Variants in LRGUK observed in about 807,000 individuals in gnomAD.
The protein encoded by LRGUK is leucine-rich repeat and guanylate kinase domain-containing protein.
In LRGUK, 65 loss-of-function variants were observed where a neutral mutation model predicts 76.0. That is an observed-to-expected ratio of 0.85 (90% CI 0.70 to 1.05). The LOEUF (loss-of-function observed/expected upper bound fraction) is 1.05. Among genes scored for constraint, LRGUK ranks in the 50% least tolerant of loss-of-function variants. The pLI is 0.00. For synonymous variants in LRGUK, 268 were observed against 265.6 expected (o/e 1.01, Z -0.09); for missense variants, 758 against 732.8 (o/e 1.03, Z -0.40).
chr7:134,136,880 G>T lies in LRGUK; in HGVS notation c.298-143G>T, dbSNP rs1797561431. 4 of 620,796 alleles carry T rather than the reference G, an allele frequency of 6.4e-6. No individual in the cohort carries two copies. The Admixed American group carries it at 1.2e-4, about 18-fold the overall frequency. 38.5% of individuals were successfully genotyped at this position (620,796 alleles called of 1,614,324 possible). On this transcript the variant is annotated intron_variant, in intron 1 of 15. Coordinates refer to ENST00000645682, the Ensembl canonical transcript of LRGUK. ...GTAATATGTATATGTTATCAACACAGAATTTTTTTGGGGGTTGGTAAATTT... is the reference window on the plus strand; with the variant it reads ...GTAATATGTATATGTTATCAACACATAATTTTTTTGGGGGTTGGTAAATTT...
chr7:134,159,442 A>T (rs904192218), intron 6 of LRGUK, among the ~76,000 whole-genome samples: 3 of 151,890 alleles, frequency 2.0e-5, no homozygotes, highest in African/African-American at 7.3e-5. Flanking sequence ...ATCACTGAAG[A>T]TTGGCTATGT....
chr7:134,268,312 C>A (rs1429235150), downstream of LRGUK, among the ~76,000 whole-genome samples: 1 of 151,698 alleles, frequency 6.6e-6, no homozygotes, highest in East Asian at 2.0e-4. Context: ...CCATAAATAT[C>A]AAAAAGATAA....
intron 11 of LRGUK, among the ~76,000 whole-genome samples, chr7:134,188,558 T>C (rs1321040099): frequency 6.6e-6 from 1 of 152,160 alleles, no homozygotes; most frequent in East Asian, 1.9e-4. Flanking sequence ...TACTGAAAAG[T>C]GGGCAGAGTA....
At chr7:134,176,340 G>C (rs1799478064) in intron 8 of LRGUK, among the ~76,000 whole-genome samples, 1 of 152,148 alleles carries the variant, frequency 6.6e-6, no homozygotes, top group South Asian at 2.1e-4. Context: ...ACCTATGTAA[G>C]AAACCTGCAC....
chr7:134,127,502 C>T, exon 1 of LRGUK: 1 of 1,614,148 alleles, frequency 6.2e-7, no homozygotes, highest in Non-Finnish European at 8.5e-7. Context: ...GGTCTTTTCC[C>T]ATGGGGCAGA....
intron 6 of LRGUK, among the ~76,000 whole-genome samples, 179 bp downstream of exon 6, chr7:134,158,338 G>A (rs1798572714): frequency 6.6e-6 from 1 of 151,786 alleles, no homozygotes. Context: ...GGTTGTGAGA[G>A]AGAGAGAGAA....
At chr7:134,252,561 G>C (rs562440463) in intron 18 of LRGUK, among the ~76,000 whole-genome samples, 4 of 152,110 alleles carry the variant, frequency 2.6e-5, no homozygotes, top group Non-Finnish European at 5.9e-5. Flanking sequence ...GGTGCAGAGA[G>C]AGTGCCCCAT....
intron 16 of LRGUK, among the ~76,000 whole-genome samples, chr7:134,240,003 G>A (rs983177675): frequency 6.6e-6 from 1 of 152,130 alleles, no homozygotes; most frequent in African/African-American, 2.4e-5. Context: ...CTGTTAGAAG[G>A]AAAACTAACA....
chr7:134,268,925 G>C (rs1004520771), downstream of LRGUK, among the ~76,000 whole-genome samples: 3 of 151,448 alleles, frequency 2.0e-5, no homozygotes, highest in Admixed American at 6.6e-5. Flanking sequence ...TAGAGACAGG[G>C]TTTCACCGTG....
chr7:134,189,570 A>G (rs886326449), intron 11 of LRGUK, among the ~76,000 whole-genome samples: 7 of 152,180 alleles, frequency 4.6e-5, no homozygotes, highest in African/African-American at 1.7e-4. Flanking sequence ...AGAAGCTTCA[A>G]ATTGCTCCTT....
chr7:134,166,547 C>A (rs1477747769), intron 7 of LRGUK, among the ~76,000 whole-genome samples: 3 of 152,118 alleles, frequency 2.0e-5, no homozygotes, highest in Non-Finnish European at 2.9e-5. Flanking sequence ...AATTACTTTT[C>A]TGAATTTTTG....
intron 16 of LRGUK, among the ~76,000 whole-genome samples, chr7:134,222,586 TTTTG>T (rs952304399): frequency 6.6e-6 from 1 of 152,072 alleles, no homozygotes. Context: ...GCTAGCCTGT[TTTTG>T]TTTGTTTTGT....
At chr7:134,202,385 T>A (rs1167123835) in intron 15 of LRGUK, among the ~76,000 whole-genome samples, 1 of 151,968 alleles carries the variant, frequency 6.6e-6, no homozygotes, top group Non-Finnish European at 1.5e-5. Context: ...TTGTGTGCTA[T>A]TGGCAGGAGT....
At chr7:134,166,820 C>T (rs1364276312) in intron 7 of LRGUK, among the ~76,000 whole-genome samples, 1 of 152,176 alleles carries the variant, frequency 6.6e-6, no homozygotes, top group Non-Finnish European at 1.5e-5. Flanking sequence ...AAGACAGATG[C>T]CATTTAATGT....
At chr7:134,217,611 C>G (rs1387894146) in intron 15 of LRGUK, among the ~76,000 whole-genome samples, 1 of 152,010 alleles carries the variant, frequency 6.6e-6, no homozygotes, top group Admixed American at 6.5e-5. Flanking sequence ...TTCTTAGAAG[C>G]ACAGATAGAC....
chr7:134,218,165 G>A (rs911765980), intron 15 of LRGUK, among the ~76,000 whole-genome samples: 1 of 152,168 alleles, frequency 6.6e-6, no homozygotes, highest in African/African-American at 2.4e-5. Flanking sequence ...TTTTGCCAAT[G>A]TTGGCCAGGC....
chr7:134,270,962 T>G, the LRGUK span, among the ~76,000 whole-genome samples: 3 of 152,038 alleles, frequency 2.0e-5, no homozygotes, highest in Non-Finnish European at 2.9e-5. Context: ...TTTCACATTT[T>G]CAGCAAGTGG....
At chr7:134,176,661 T>C (rs1799493522) in intron 8 of LRGUK, among the ~76,000 whole-genome samples, 3 of 152,300 alleles carry the variant, frequency 2.0e-5, no homozygotes, top group African/African-American at 7.2e-5. Flanking sequence ...ATTACAGGTG[T>C]GAGCCACTTT....
downstream of LRGUK, among the ~76,000 whole-genome samples, chr7:134,267,735 A>T (rs1802881145): frequency 6.6e-6 from 1 of 152,054 alleles, no homozygotes; most frequent in African/African-American, 2.4e-5. Context: ...TTCTTTGTAG[A>T]TTACCCAGTC....
Sources: gnomAD v4.1 joint callset for allele counts (sites outside exome capture counted in the v4.1 genomes callset) on GRCh38, gnomAD v4.1.1 for gene constraint, MANE v1.5 for transcripts, NCBI Gene and HGNC (gene_info 2026-07-23, HGNC 2026-07-21) for gene names.